KDM5C: variants seen among roughly 807,000 people sequenced by gnomAD.
KDM5C encodes lysine demethylase 5C.
Under a neutral mutation model 110.6 loss-of-function variants are expected in KDM5C, and 16 were observed. That is an observed-to-expected ratio of 0.14 (90% CI 0.10 to 0.22). The LOEUF is 0.22. Among genes scored for constraint, KDM5C ranks in the 10% least tolerant of loss-of-function variants. The pLI, the probability that KDM5C is intolerant of heterozygous loss-of-function variation, is 1.00. For missense variants in KDM5C, 681 were observed against 1,300.9 expected (o/e 0.52, Z 7.33); for synonymous variants, 511 against 520.4 (o/e 0.98, Z 0.24).
intron 19 of KDM5C, 95 bp from the exon 20 acceptor site, chrX:53,196,149 G>A: frequency 1.0e-6 from 1 of 1,004,225 alleles, no homozygotes; most frequent in Non-Finnish European, 1.4e-6. Context: ...GGGCCCCTTG[G>A]GTGTCTGTTA....
chrX:53,179,735 C>T (rs375742881), intron 25 of KDM5C, among the ~76,000 whole-genome samples: 30 of 111,863 alleles, frequency 2.7e-4, no homozygotes, highest in African/African-American at 9.1e-4. Flanking sequence ...AGGGAGATAC[C>T]ACCACATACC....
intron 5 of KDM5C, among the ~76,000 whole-genome samples, 172 bp downstream of exon 5, chrX:53,216,971 C>G (rs1478816521): frequency 8.9e-6 from 1 of 111,905 alleles, no homozygotes; most frequent in Non-Finnish European, 1.9e-5. Context: ...AGCAGCTCAG[C>G]TGAGAGGGGA....
rs200521859 is a variant in KDM5C, at chrX:53,220,832, T to C, written c.228+7A>G. ...CCAACCCCACCACCAGCTCCTAGTCTTCTCACCTCTAGCTCATTCAGCCTC... is the reference window on the plus strand; with the variant it reads ...CCAACCCCACCACCAGCTCCTAGTCCTCTCACCTCTAGCTCATTCAGCCTC... On this transcript the variant is annotated splice_region_variant and intron_variant, in intron 2 of 25. Transcript: ENST00000375401. The C allele has an allele frequency of 2.0e-5, 24 of 1,202,615 alleles. No homozygotes were observed. In the South Asian group the frequency reaches 3.7e-4, roughly 19 times the overall value.
intron 8 of KDM5C, among the ~76,000 whole-genome samples, chrX:53,213,315 T>C (rs782196401): frequency 1.8e-5 from 2 of 112,000 alleles, no homozygotes. Context: ...TCTCCACCAC[T>C]ACCAAGGCCA....
intron 5 of KDM5C, among the ~76,000 whole-genome samples, chrX:53,216,471 G>A (rs782641641): frequency 8.9e-6 from 1 of 112,190 alleles, no homozygotes. Flanking sequence ...TTATGAGGGG[G>A]GTTAGGGACA....
chrX:53,208,563 T>A (rs1256156276), intron 12 of KDM5C, among the ~76,000 whole-genome samples: 2 of 90,607 alleles, frequency 2.2e-5, no homozygotes, highest in African/African-American at 8.2e-5. Flanking sequence ...TGGAATGCAA[T>A]GGCACGATCT....
At chrX:53,196,110 C>T in intron 19 of KDM5C, 56 bp from the exon 20 acceptor site, 1 of 1,160,683 alleles carries the variant, frequency 8.6e-7, no homozygotes. Flanking sequence ...TGACCAGAAG[C>T]CCAGCCTGAC....
Position 53,199,054 on chromosome X carries a change from G to A in KDM5C, c.2166C>T (p.Tyr722=), listed in dbSNP as rs782507181. The change falls in exon 15 of 26, where the codon TAC becomes TAT. Residue 722 remains tyrosine (Y), a synonymous_variant. Coordinates refer to ENST00000375401, the MANE Select transcript of KDM5C (RefSeq NM_004187.5). The part of the protein sequence containing the change: ...TTCFLSALAC[Y]DCPDGLVCLS... Reference sequence around the variant, plus strand: ...GGCAGACAAGGCCGTCTGGGCAGTCGTAGCAGGCCAGGGCTGACAGGAAAC... The same window carrying A: ...GGCAGACAAGGCCGTCTGGGCAGTCATAGCAGGCCAGGGCTGACAGGAAAC... 17 of 1,210,548 alleles carry A rather than the reference G, an allele frequency of 1.4e-5. No homozygotes were observed. Among genetic ancestry groups the A allele is most frequent in the Admixed American group, 1.3e-4 (6 of 45,858 alleles).
chrX:53,189,597 A>T (rs939565130), downstream of KDM5C, among the ~76,000 whole-genome samples: 1 of 112,145 alleles, frequency 8.9e-6, no homozygotes. Flanking sequence ...CCCTTCAAGG[A>T]CCCACTGACC....
rs373804164 is a variant in KDM5C, at chrX:53,201,884, G to A, written c.1836C>T (p.Ala612=). The change falls in exon 13 of 26, where the codon GCC becomes GCT. Residue 612 remains alanine, a synonymous_variant. Coordinates refer to ENST00000375401, the MANE Select transcript of KDM5C (RefSeq NM_004187.5). ...HSGFNQGYNF[A]EAVNFCTADW... ...CAGCAGTGCAAAAGTTGACAGCCTC[G>A]GCAAAGTTGTAGCCTTGGTTGAAGC... 28 of 1,210,298 alleles carry A rather than the reference G, an allele frequency of 2.3e-5. No individual in the cohort carries two copies. Among genetic ancestry groups the A allele is most frequent in the East Asian group, 5.9e-5 (2 of 33,792 alleles).
rs782524455 is a variant in KDM5C at position 53,209,900 on chromosome X, GT to G, written c.1746+513del. Among the ~76,000 whole-genome samples the G allele has an allele frequency of 3.7e-4, 42 of 112,643 alleles. 1 individual carries two copies. In the South Asian group the frequency reaches 0.014, roughly 38 times the overall value. On this transcript the variant is annotated intron_variant, in intron 12 of 25. Coordinates refer to ENST00000375401, the MANE Select transcript of KDM5C (RefSeq NM_004187.5). ...AGACCTATCCACTGCTCTGAGAAGG[GT>G]AAGAGTATACAAAGTATGGCAGAGG...
At chrX:53,211,347 C>A in intron 10 of KDM5C, 150 bp downstream of exon 10, 1 of 610,968 alleles carries the variant, frequency 1.6e-6, no homozygotes, top group Non-Finnish European at 2.7e-6. Context: ...TGCCAGGTAC[C>A]AGACTGTTTT....
chrX:53,224,925 T>A lies in KDM5C; in HGVS notation c.-36A>T. 8.5e-7 allele frequency: 1 copy of A among 1,182,130 alleles called. No homozygotes were observed. Among genetic ancestry groups the A allele is most frequent in the Admixed American group, 2.3e-5 (1 of 43,733 alleles). On this transcript the variant is annotated 5_prime_UTR_variant, in exon 1 of 26. The change creates a new upstream start codon in the 5' untranslated region. Coordinates refer to ENST00000375401, the MANE Select transcript of KDM5C (RefSeq NM_004187.5). ...AGGTCTGGGCCAGGGATCGGGAGGCTTGGACCGCCCTTAAGGACTCATGGC... is the reference window on the plus strand; with the variant it reads ...AGGTCTGGGCCAGGGATCGGGAGGCATGGACCGCCCTTAAGGACTCATGGC...
chrX:53,214,967 C>T (rs2146935707), intron 7 of KDM5C, 120 bp from the exon 8 acceptor site: 1 of 728,683 alleles, frequency 1.4e-6, no homozygotes, highest in Non-Finnish European at 2.1e-6. Flanking sequence ...CACGTATGTA[C>T]CATCTCCCCA....
At chrX:53,197,276 C>G (rs1934933693) in intron 18 of KDM5C, among the ~76,000 whole-genome samples, 1 of 111,740 alleles carries the variant, frequency 8.9e-6, no homozygotes, top group South Asian at 3.7e-4. Context: ...CTGGGCCCCA[C>G]CCTGAGAGAT....
rs192633186 is a variant in KDM5C, at chrX:53,198,499, T to C, written c.2507A>G (p.Gln836Arg). The C allele has an allele frequency of 2.5e-6, 3 of 1,202,382 alleles. No homozygotes were observed. In the East Asian group the frequency reaches 9.0e-5, roughly 36 times the overall value. ...VSRALGLVSG[Q>R]EAGPHRVAGL... ...CCTCACGCTGTCATACCCAGCTTCCTGGCCGCTGACCAGTCCCAGAGCTCG... is the reference window on the plus strand; with the variant it reads ...CCTCACGCTGTCATACCCAGCTTCCCGGCCGCTGACCAGTCCCAGAGCTCG... Residue 836 changes from glutamine (Q) to arginine (R), a missense_variant, in exon 17 of 26, where the codon CAG (glutamine) becomes CGG (arginine). Physicochemically the swap from Gln to Arg is conservative, Grantham distance 43. Transcript: ENST00000375401.
chrX:53,218,470 G>C, intron 2 of KDM5C, 72 bp from the exon 3 acceptor site: 1 of 1,125,674 alleles, frequency 8.9e-7, no homozygotes, highest in Non-Finnish European at 1.2e-6. Context: ...CCAGTCTTAG[G>C]GGAGAACAGA....
rs183854445 is a variant in KDM5C at position 53,218,725 on chromosome X, G to A, written c.229-327C>T. 2.4e-4 allele frequency: 84 copies of A among 344,209 alleles called. 1 individual carries two copies. The East Asian group carries it at 4.9e-3, about 20-fold the overall frequency. 28.4% of individuals were successfully genotyped at this position (344,209 alleles called of 1,213,427 possible). A position where few individuals can be genotyped will look rare whatever the true frequency, so the allele number is the denominator to read the frequency against. On this transcript the variant is annotated intron_variant, in intron 2 of 25. Transcript: ENST00000375401. ...TGAGTAGCTGGAACTATAGGCGCAC[G>A]CCACCACGCCCGGCTAATTTTGTAT... is the stretch of plus-strand genomic sequence containing the variant.
chrX:53,176,796 A>T lies in KDM5C; in HGVS notation c.4309-174T>A, dbSNP rs976202966. 2.7e-5 allele frequency among the ~76,000 whole-genome samples: 3 copies of T among 112,492 alleles called. No individual in the cohort carries two copies. The South Asian group carries it at 1.1e-3, about 41-fold the overall frequency. On this transcript the variant is annotated intron_variant, in intron 25 of 25. Transcript: ENST00000685641. ...AATGAAAGAAACCAAACACAAGAGA[A>T]TACATACTGTACGACTCTATGATGT...
Sources: allele counts gnomAD v4.1 joint callset (sites outside exome capture counted in the v4.1 genomes callset), GRCh38; gene constraint gnomAD v4.1.1; transcripts MANE v1.5; gene names NCBI Gene and HGNC (gene_info 2026-07-23, HGNC 2026-07-21).